ABCC9: variants seen among roughly 807,000 people sequenced by gnomAD.
ABCC9 encodes the protein ATP-binding cassette sub-family C member 9.
ABCC9 carries 95 observed loss-of-function variants against 188.3 expected under a neutral mutation model. That is an observed-to-expected ratio of 0.50 (90% CI 0.43 to 0.60). The LOEUF (loss-of-function observed/expected upper bound fraction) is 0.60, where lower values mean the gene tolerates loss of function less well. Ranked by LOEUF, ABCC9 falls within the 20% of genes least tolerant of loss-of-function variation. ABCC9 has a pLI of 0.00. For missense variants in ABCC9, 1,102 were observed against 1,876.3 expected (o/e 0.59, Z 7.62); for synonymous variants, 659 against 652.7 (o/e 1.01, Z -0.15).
intron 16 of ABCC9, among the ~76,000 whole-genome samples, chr12:21,881,037 AACACACAC>A (rs374702057): frequency 6.6e-6 from 1 of 151,602 alleles, no homozygotes; most frequent in African/African-American, 2.4e-5. Flanking sequence ...CAAAAGAAGC[AACACACAC>A]ACACACATAT....
intron 5 of ABCC9, 110 bp from the exon 6 acceptor site, chr12:21,917,213 A>G (rs1948633057): frequency 5.4e-6 from 6 of 1,114,450 alleles, no homozygotes; most frequent in African/African-American, 1.5e-5. Flanking sequence ...TATGTACTAT[A>G]TTTCCACATG....
chr12:21,907,079 T>G (rs990252761), intron 11 of ABCC9, among the ~76,000 whole-genome samples: 95 of 152,192 alleles, frequency 6.2e-4, no homozygotes, highest in African/African-American at 2.3e-3. Flanking sequence ...AACAGCCTGG[T>G]TTTTGTTCAA....
intron 16 of ABCC9, among the ~76,000 whole-genome samples, chr12:21,879,178 T>C (rs1946511468): frequency 6.6e-6 from 1 of 152,186 alleles, no homozygotes. Flanking sequence ...CATAGACACT[T>C]AGGACAACAC....
intron 18 of ABCC9, among the ~76,000 whole-genome samples, chr12:21,866,433 C>T (rs1158438645): frequency 6.6e-6 from 1 of 152,138 alleles, no homozygotes; most frequent in Non-Finnish European, 1.5e-5. Context: ...CACCTATAAT[C>T]GTTCTTATAA....
At position 21,936,626 on chromosome 12, in the gene ABCC9, C is replaced by T. The variant is rs772070154; in HGVS notation, c.49G>A (p.Asp17Asn). Residue 17 changes from aspartate to asparagine, a missense_variant, in exon 3 of 40, where the codon GAT (aspartate) becomes AAT (asparagine). Coordinates refer to ENST00000261200, the MANE Select transcript of ABCC9 (RefSeq NM_020297.4). ...GNNISSYNIN[D>N]GVLQNSCFVD... ...AAGCAGGAATTTTGTAGTACACCAT[C>T]GTTGATATTATATGAAGAAATGTTG... 19 of 1,610,884 alleles carry T rather than the reference C, an allele frequency of 1.2e-5. No individual in the cohort carries two copies. Among genetic ancestry groups the T allele is most frequent in the Admixed American group, 1.7e-5 (1 of 59,930 alleles).
intron 16 of ABCC9, among the ~76,000 whole-genome samples, chr12:21,880,001 T>C (rs1946543030): frequency 6.6e-6 from 1 of 151,522 alleles, no homozygotes; most frequent in African/African-American, 2.4e-5. Context: ...ATATAGATCC[T>C]TGATGTGTAA....
At chr12:21,868,836 T>C (rs74664457) in intron 18 of ABCC9, among the ~76,000 whole-genome samples, 1,611 of 152,296 alleles carry the variant, frequency 0.011, 31 homozygotes, top group African/African-American at 0.037. Flanking sequence ...ATATCAATAA[T>C]TTCTAAATTA....
intron 22 of ABCC9, among the ~76,000 whole-genome samples, chr12:21,857,898 C>T (rs1038037351): frequency 6.6e-6 from 1 of 152,036 alleles, no homozygotes; most frequent in Non-Finnish European, 1.5e-5. Flanking sequence ...GATTAAGTCA[C>T]CAATTATGGC....
intron 35 of ABCC9, among the ~76,000 whole-genome samples, chr12:21,813,083 C>CT (rs1301322300): frequency 6.6e-6 from 1 of 152,078 alleles, no homozygotes; most frequent in Non-Finnish European, 1.5e-5. Flanking sequence ...TTTTACTTAT[C>CT]TTTTTTTATT....
intron 22 of ABCC9, among the ~76,000 whole-genome samples, chr12:21,858,727 C>T (rs2137488035): frequency 6.6e-6 from 1 of 152,254 alleles, no homozygotes; most frequent in Non-Finnish European, 1.5e-5. Context: ...CTACCATCCC[C>T]AATGACAGAT....
rs188715369 is a variant in ABCC9, at chr12:21,829,761, G to A, written c.3567-701C>T. On this transcript the variant is annotated intron_variant, in intron 30 of 39. Coordinates refer to ENST00000261200, the MANE Select transcript of ABCC9 (RefSeq NM_020297.4). ...AATTGTGTAGAAATGCAACTGTACC[G>A]ATATTTTGTGGCATTTATTTTACTT... Among the ~76,000 whole-genome samples the A allele has an allele frequency of 3.3e-5, 5 of 152,294 alleles. No homozygotes were observed. In the South Asian group the frequency reaches 6.2e-4, roughly 19 times the overall value.
rs182158174 is a variant in ABCC9, at chr12:21,844,523, A to G, written c.3275T>C (p.Ile1092Thr). The G allele has an allele frequency of 2.5e-6, 4 of 1,613,842 alleles. No individual in the cohort carries two copies. The highest frequency in any genetic ancestry group is 3.4e-6 in the Non-Finnish European group (4 of 1,179,734). Reference sequence around the variant, plus strand: ...AGTATCAGCTGAAAAGCGATTGAGAATCAGTCCCAGGGGTGTGGTATCAAA... The same window carrying G: ...AGTATCAGCTGAAAAGCGATTGAGAGTCAGTCCCAGGGGTGTGGTATCAAA... Reference protein sequence around the residue: ...RFFDTTPLGLILNRFSADTNI... With the variant: ...RFFDTTPLGLTLNRFSADTNI... The change falls in exon 28 of 40, where the codon ATT becomes ACT. Residue 1092 changes from isoleucine (I) to threonine (T), a missense_variant. Transcript: ENST00000261200.
intron 22 of ABCC9, among the ~76,000 whole-genome samples, chr12:21,857,098 T>C (rs934559193): frequency 1.3e-5 from 2 of 152,176 alleles, no homozygotes; most frequent in African/African-American, 4.8e-5. Context: ...CAGCATTCCA[T>C]TGCTGCTAAA....
chr12:21,847,056 C>A (rs1363091542), intron 25 of ABCC9, among the ~76,000 whole-genome samples: 1 of 152,010 alleles, frequency 6.6e-6, no homozygotes, highest in Non-Finnish European at 1.5e-5. Context: ...TCTGATAGGA[C>A]CTGCAGCAAC....
chr12:21,909,875 T>G (rs373871681), intron 10 of ABCC9, among the ~76,000 whole-genome samples: 54 of 152,034 alleles, frequency 3.6e-4, no homozygotes, highest in African/African-American at 1.3e-3. Flanking sequence ...GAAGTACTAT[T>G]ATTATTCTCA....
At chr12:21,821,610 A>G (rs574208335) in intron 31 of ABCC9, among the ~76,000 whole-genome samples, 4 of 152,234 alleles carry the variant, frequency 2.6e-5, no homozygotes, top group African/African-American at 7.2e-5. Flanking sequence ...AATAAAGGAA[A>G]TGTAAAACAT....
intron 5 of ABCC9, among the ~76,000 whole-genome samples, chr12:21,922,293 A>G (rs1418723493): frequency 6.6e-6 from 1 of 151,822 alleles, no homozygotes; most frequent in Non-Finnish European, 1.5e-5. Flanking sequence ...TCTTTGGTTA[A>G]TTCCTAGGTA....
Position 21,815,844 on chromosome 12 carries a change from T to G in ABCC9, c.3942A>C (p.Ile1314=), listed in dbSNP as rs777342713. The G allele has an allele frequency of 2.2e-5, 35 of 1,612,822 alleles. No individual in the cohort carries two copies. Among genetic ancestry groups the G allele is most frequent in the Non-Finnish European group, 2.9e-5 (34 of 1,179,156 alleles). ...TTTCATATCTGACACACAGATCATG[T>G]ATCTTGATCTCCCCTTCTTGTGGCC... ...EHWPQEGEIK[I]HDLCVRYENN... is the part of the protein sequence containing the mutation. The change falls in exon 34 of 40, where the codon ATA becomes ATC. Residue 1314 remains isoleucine (I), a synonymous_variant. Coordinates refer to ENST00000261200, the MANE Select transcript of ABCC9 (RefSeq NM_020297.4).
intron 5 of ABCC9, among the ~76,000 whole-genome samples, chr12:21,922,111 T>C (rs147726226): frequency 3.7e-4 from 56 of 152,138 alleles, no homozygotes; most frequent in Admixed American, 8.5e-4. Context: ...AAAATGTCAT[T>C]GGTATTTTGA....
Sources: gnomAD v4.1 joint callset for allele counts (sites outside exome capture counted in the v4.1 genomes callset) on GRCh38, gnomAD v4.1.1 for gene constraint, MANE v1.5 for transcripts, NCBI Gene and HGNC (gene_info 2026-07-23, HGNC 2026-07-21) for gene names.